The following SEC63 variants were observed in gnomAD, a reference collection of about 807,000 sequenced individuals.
SEC63 encodes translocation protein SEC63 homolog.
Under a neutral mutation model 116.2 loss-of-function variants are expected in SEC63, and 56 were observed. The ratio of observed to expected loss-of-function variants is 0.48; its 90% CI spans 0.39 to 0.60. The LOEUF (loss-of-function observed/expected upper bound fraction) is 0.60, where lower values mean the gene tolerates loss of function less well. Ranked by LOEUF, SEC63 falls within the 20% of genes least tolerant of loss-of-function variation. The pLI is 0.00. For missense variants in SEC63, 668 were observed against 900.0 expected, an observed-to-expected ratio of 0.74 and a Z score of 3.30; for synonymous variants, 273 against 294.6, an observed-to-expected ratio of 0.93 and a Z score of 0.75.
At position 107,954,037 on chromosome 6, in the gene SEC63, A is replaced by G. The variant is rs1327533183; in HGVS notation, c.124+3849T>C. Among the ~76,000 whole-genome samples the G allele has an allele frequency of 4.6e-5, 7 of 152,202 alleles. No individual in the cohort carries two copies. The East Asian group carries it at 5.8e-4, about 13-fold the overall frequency. Reference sequence around the variant, plus strand: ...TGTGGAATAGAAAGAGGGGAAAGGCAGGGAAAGGATTGGGAAATCGGATGG... The same window carrying G: ...TGTGGAATAGAAAGAGGGGAAAGGCGGGGAAAGGATTGGGAAATCGGATGG... On this transcript the variant is annotated intron_variant, in intron 1 of 20. Coordinates refer to ENST00000369002, the MANE Select transcript of SEC63 (RefSeq NM_007214.5).
Position 107,871,731 on chromosome 6 carries a change from T to G in SEC63, c.2256A>C (p.Glu752Asp), listed in dbSNP as rs538661768. 1 of 1,613,108 alleles carries G rather than the reference T, an allele frequency of 6.2e-7. No homozygotes were observed. The highest frequency in any genetic ancestry group is 1.3e-5 in the African/African-American group (1 of 75,018). Residue 752 changes from glutamate (E) to aspartate (D), a missense_variant, in exon 21 of 21, where the codon GAA becomes GAC. By Grantham distance (45) the Glu-to-Asp change is conservative. Coordinates refer to ENST00000369002, the MANE Select transcript of SEC63 (RefSeq NM_007214.5). The part of the protein sequence containing the change: ...SEGFEDSFEE[E>D]EEEEEDDD Reference sequence around the variant, plus strand: ...AGTCATCATCTTCTTCTTCCTCCTCTTCTTCCTCAAAGCTATCTTCAAAGC... The same window carrying G: ...AGTCATCATCTTCTTCTTCCTCCTCGTCTTCCTCAAAGCTATCTTCAAAGC...
At chr6:107,950,194 T>C (rs1409522329) in intron 1 of SEC63, among the ~76,000 whole-genome samples, 2 of 152,144 alleles carry the variant, frequency 1.3e-5, no homozygotes, top group Non-Finnish European at 2.9e-5. Context: ...TAAAAGACAT[T>C]ACATATTAGT....
intron 1 of SEC63, among the ~76,000 whole-genome samples, chr6:107,950,093 A>G (rs1770548555): frequency 2.6e-5 from 4 of 152,234 alleles, no homozygotes; most frequent in Admixed American, 2.6e-4. Context: ...GAAAGGATGG[A>G]AAAAATATTC....
chr6:107,906,584 G>C lies in SEC63; in HGVS notation c.829-4C>G, dbSNP rs774587431. On this transcript the variant is annotated splice_polypyrimidine_tract_variant and splice_region_variant and intron_variant, in intron 9 of 20. Transcript: ENST00000369002. ...TGCTGCCAATTTCTCTGATTAGCTA[G>C]AATAAATAAAATAATTATTCAAAAA... is the stretch of plus-strand genomic sequence containing the variant. 5.0e-6 allele frequency: 8 copies of C among 1,611,350 alleles called. 1 individual carries two copies. The South Asian group carries it at 8.8e-5, about 18-fold the overall frequency.
chr6:107,917,069 C>T (rs1477931860), intron 4 of SEC63, among the ~76,000 whole-genome samples: 1 of 152,174 alleles, frequency 6.6e-6, no homozygotes, highest in Admixed American at 6.5e-5. Context: ...GGAATGAGGG[C>T]AAGAACACCT....
At chr6:107,928,713 T>C (rs969097300) in intron 2 of SEC63, among the ~76,000 whole-genome samples, 17 of 152,166 alleles carry the variant, frequency 1.1e-4, no homozygotes, top group Non-Finnish European at 1.5e-5. Context: ...TAATGGTAAC[T>C]CTCTCACCTC....
chr6:107,903,519 G>A (rs141311150), intron 11 of SEC63, among the ~76,000 whole-genome samples: 3 of 152,174 alleles, frequency 2.0e-5, no homozygotes, highest in Non-Finnish European at 2.9e-5. Context: ...CAGTCTGGGC[G>A]ACAAAGTGAG....
chr6:107,935,807 A>G (rs1770234702), intron 1 of SEC63, among the ~76,000 whole-genome samples: 1 of 152,164 alleles, frequency 6.6e-6, no homozygotes, highest in South Asian at 2.1e-4. Flanking sequence ...AAAATAAAAT[A>G]AAATAAAATA....
At chr6:107,950,725 G>C (rs1413793860) in intron 1 of SEC63, among the ~76,000 whole-genome samples, 1 of 152,060 alleles carries the variant, frequency 6.6e-6, no homozygotes, top group Non-Finnish European at 1.5e-5. Flanking sequence ...TTCAAAACCA[G>C]GCATTTTGAA....
Position 107,958,128 on chromosome 6 carries a change from C to T in SEC63, c.-119G>A, listed in dbSNP as rs1034468520. The T allele has an allele frequency of 6.8e-6, 10 of 1,473,924 alleles. No homozygotes were observed. The African/African-American group carries it at 1.3e-4, about 18-fold the overall frequency. The allele number at this position is 1,473,924 out of a possible 1,614,324, so 91.3% of individuals were successfully genotyped here. On this transcript the variant is annotated 5_prime_UTR_variant, in exon 1 of 21. Coordinates refer to ENST00000369002, the MANE Select transcript of SEC63 (RefSeq NM_007214.5). ...TTGGACACTGCCGCCGCCGCCTCTC[C>T]TCCCCGCCCCCACGCCACTCTCACG...
intron 1 of SEC63, among the ~76,000 whole-genome samples, chr6:107,937,421 C>T (rs1326855171): frequency 6.6e-6 from 1 of 152,196 alleles, no homozygotes; most frequent in African/African-American, 2.4e-5. Context: ...CCACCACGCC[C>T]GGCCACTACA....
intron 4 of SEC63, among the ~76,000 whole-genome samples, chr6:107,918,727 C>T (rs1447525738): frequency 6.6e-6 from 1 of 150,594 alleles, no homozygotes; most frequent in African/African-American, 2.4e-5. Flanking sequence ...AGAAGACATA[C>T]ACTTTGTAAA....
intron 7 of SEC63, among the ~76,000 whole-genome samples, chr6:107,911,003 G>A (rs1787271560): frequency 6.6e-6 from 1 of 152,098 alleles, no homozygotes; most frequent in Non-Finnish European, 1.5e-5. Context: ...GAGCCACCAT[G>A]CCCGGTCAGT....
intron 16 of SEC63, among the ~76,000 whole-genome samples, chr6:107,893,115 C>CAT (rs1786726074): frequency 3.0e-3 from 1 of 330 alleles, no homozygotes; most frequent in Admixed American, 0.042. Flanking sequence ...TATACACACA[C>CAT]ACACACACAC....
intron 18 of SEC63, among the ~76,000 whole-genome samples, chr6:107,879,456 G>A (rs559093156): frequency 1.3e-5 from 2 of 152,312 alleles, no homozygotes; most frequent in South Asian, 4.1e-4. Context: ...CCTCCTGAGT[G>A]GTGGGATTAC....
chr6:107,873,802 C>T (rs1363375154), intron 19 of SEC63, among the ~76,000 whole-genome samples: 1 of 151,784 alleles, frequency 6.6e-6, no homozygotes, highest in African/African-American at 2.4e-5. Context: ...AAAAAAAGAT[C>T]CCAAAACAAC....
intron 2 of SEC63, 56 bp downstream of exon 2, chr6:107,929,359 T>C (rs1787746873): frequency 1.1e-6 from 1 of 876,796 alleles, no homozygotes; most frequent in Admixed American, 1.8e-5. Flanking sequence ...ATATGTTGTA[T>C]GACCTAGCAA....
chr6:107,892,495 T>C, intron 16 of SEC63, among the ~76,000 whole-genome samples: 1 of 152,182 alleles, frequency 6.6e-6, no homozygotes. Flanking sequence ...ACAGTCAGGA[T>C]GTCTTAATTT....
Position 107,893,107 on chromosome 6 carries a change from TAC to T in SEC63, c.1674+373_1674+374del, listed in dbSNP as rs55814816. 1.2e-3 allele frequency among the ~76,000 whole-genome samples: 179 copies of T among 145,914 alleles called. 2 individuals carry two copies. The highest frequency in any genetic ancestry group is 4.7e-3 in the East Asian group (23 of 4,930). ...GGTATATTCATACAATGAAATACTA[TAC>T]ACACACACACACACACACACACACA... On this transcript the variant is annotated intron_variant, in intron 16 of 20. Coordinates refer to ENST00000369002, the MANE Select transcript of SEC63 (RefSeq NM_007214.5).
Sources: allele counts gnomAD v4.1 joint callset (sites outside exome capture counted in the v4.1 genomes callset), GRCh38; gene constraint gnomAD v4.1.1; transcripts MANE v1.5; gene names NCBI Gene and HGNC (gene_info 2026-07-23, HGNC 2026-07-21).